LRRC69: variants seen among roughly 807,000 people sequenced by gnomAD.
The protein encoded by LRRC69 is leucine rich repeat containing 69, also known as leucine-rich repeat-containing protein 69.
Under a neutral mutation model 37.8 loss-of-function variants are expected in LRRC69, and 42 were observed. The ratio of observed to expected loss-of-function variants is 1.11; its 90% CI spans 0.87 to 1.44. The LOEUF (loss-of-function observed/expected upper bound fraction) is 1.44, where lower values mean the gene tolerates loss of function less well. Ranked by LOEUF, LRRC69 falls within the 40% of genes most tolerant of loss-of-function variation. LRRC69 has a pLI of 0.00. For synonymous variants in LRRC69, 141 were observed against 143.1 expected (o/e 0.99, Z 0.11); for missense variants, 357 against 401.9 (o/e 0.89, Z 0.96).
chr8:91,169,269 G>A lies in LRRC69; in HGVS notation c.652-20253G>A, dbSNP rs563743995. Reference sequence around the variant, plus strand: ...GCCTATTTGAGGGTAGAAAGTGGGAGGAGGGAGAGGATTAAAAAACTCTCT... The same window carrying A: ...GCCTATTTGAGGGTAGAAAGTGGGAAGAGGGAGAGGATTAAAAAACTCTCT... On this transcript the variant is annotated intron_variant, in intron 5 of 7. Coordinates refer to ENST00000448384, the Ensembl canonical transcript of LRRC69. Among the ~76,000 whole-genome samples the A allele has an allele frequency of 9.2e-5, 14 of 151,934 alleles. No individual in the cohort carries two copies. The South Asian group carries it at 2.7e-3, about 29-fold the overall frequency.
chr8:91,209,562 T>A (rs752084821), intron 7 of LRRC69: 2 of 152,284 alleles, frequency 1.3e-5, no homozygotes, highest in Non-Finnish European at 2.9e-5. Context: ...CTATAGAATA[T>A]TCTTTGGACG....
chr8:91,114,809 A>C (rs1479957144), intron 1 of LRRC69, among the ~76,000 whole-genome samples: 1 of 152,040 alleles, frequency 6.6e-6, no homozygotes, highest in Admixed American at 6.6e-5. Flanking sequence ...CATTTCTTAG[A>C]ATGTGTCCCC....
chr8:91,156,245 C>G (rs990034541), intron 5 of LRRC69, among the ~76,000 whole-genome samples: 1 of 150,908 alleles, frequency 6.6e-6, no homozygotes, highest in Admixed American at 6.6e-5. Context: ...CAAATTCAAA[C>G]TTTTGGACAA....
At chr8:91,114,571 C>T (rs571682748) in intron 1 of LRRC69, among the ~76,000 whole-genome samples, 37 of 152,008 alleles carry the variant, frequency 2.4e-4, no homozygotes, top group African/African-American at 8.4e-4. Flanking sequence ...CTTACTGTAC[C>T]TTTTCTATGT....
chr8:91,186,056 G>C (rs771449070), intron 5 of LRRC69, among the ~76,000 whole-genome samples: 3 of 152,228 alleles, frequency 2.0e-5, no homozygotes, highest in Non-Finnish European at 4.4e-5. Flanking sequence ...GGGCTTTGTG[G>C]GAACAATTAT....
At chr8:91,203,690 C>T (rs527763117) in intron 7 of LRRC69, among the ~76,000 whole-genome samples, 18 of 151,944 alleles carry the variant, frequency 1.2e-4, no homozygotes, top group East Asian at 5.9e-4. Flanking sequence ...TAAGCCACTG[C>T]GCCCAGCCTC....
intron 2 of LRRC69, among the ~76,000 whole-genome samples, chr8:91,125,858 ATATT>A (rs1309598888): frequency 4.6e-5 from 7 of 151,770 alleles, no homozygotes; most frequent in Admixed American, 4.0e-4. Context: ...TTTAGTTTCT[ATATT>A]TCTTTTTAAA....
chr8:91,132,139 C>G (rs1203446963), intron 3 of LRRC69, among the ~76,000 whole-genome samples: 1 of 151,910 alleles, frequency 6.6e-6, no homozygotes, highest in Admixed American at 6.6e-5. Context: ...TCTTACATTA[C>G]TTCAATCTTA....
intron 7 of LRRC69, among the ~76,000 whole-genome samples, chr8:91,210,433 G>A (rs1809888030): frequency 6.6e-6 from 1 of 152,010 alleles, no homozygotes; most frequent in South Asian, 2.1e-4. Context: ...TTGAAACACT[G>A]TCATGTGAAA....
chr8:91,158,599 T>C lies in LRRC69; in HGVS notation c.651+22860T>C, dbSNP rs1318653641. On this transcript the variant is annotated intron_variant, in intron 5 of 7. Transcript: ENST00000448384. Reference sequence around the variant, plus strand: ...CACAGGGGTGTTTATAGTTCTGATGTCTTTGACATTTTCCCTGGAACATAC... The same window carrying C: ...CACAGGGGTGTTTATAGTTCTGATGCCTTTGACATTTTCCCTGGAACATAC... 6 of 1,409,014 alleles carry C rather than the reference T, an allele frequency of 4.3e-6. No homozygotes were observed. In the South Asian group the frequency reaches 5.8e-5, roughly 14 times the overall value. 87.3% of individuals were successfully genotyped at this position (1,409,014 alleles called of 1,614,324 possible).
chr8:91,175,540 G>C (rs1358878956), intron 5 of LRRC69, among the ~76,000 whole-genome samples: 2 of 152,056 alleles, frequency 1.3e-5, no homozygotes, highest in East Asian at 3.9e-4. Context: ...TTGCGGCTAG[G>C]TGATTGAATC....
At chr8:91,197,768 G>C (rs953303742) in intron 6 of LRRC69, among the ~76,000 whole-genome samples, 1 of 151,834 alleles carries the variant, frequency 6.6e-6, no homozygotes, top group Non-Finnish European at 1.5e-5. Context: ...AGATGAACCC[G>C]GTACCTCAGA....
chr8:91,133,403 C>T (rs2130515744), intron 4 of LRRC69, 98 bp downstream of exon 4: 3 of 812,360 alleles, frequency 3.7e-6, no homozygotes, highest in Non-Finnish European at 5.4e-6. Context: ...GAGTATAAGC[C>T]ACCACTTGCT....
chr8:91,151,336 A>T (rs973096803), intron 5 of LRRC69, among the ~76,000 whole-genome samples: 1 of 151,160 alleles, frequency 6.6e-6, no homozygotes, highest in African/African-American at 2.4e-5. Flanking sequence ...CCTTCGTTTC[A>T]TTATGTACCC....
chr8:91,200,086 G>A (rs968433558), intron 6 of LRRC69, among the ~76,000 whole-genome samples: 14 of 152,106 alleles, frequency 9.2e-5, no homozygotes, highest in Admixed American at 2.6e-4. Flanking sequence ...TTCAATATGC[G>A]TATAGATTAC....
intron 6 of LRRC69, among the ~76,000 whole-genome samples, chr8:91,190,505 C>A (rs1036006707): frequency 6.6e-6 from 1 of 151,950 alleles, no homozygotes; most frequent in Non-Finnish European, 1.5e-5. Context: ...TCTTTTAGAA[C>A]TTTTTATGCA....
Position 91,195,779 on chromosome 8 carries a change from G to A in LRRC69, c.754-4834G>A, listed in dbSNP as rs527585975. ...GGTTTCCTGAATACAGCACACTGAT[G>A]GGTCTTGACTCTTTATCCAATTTGC... On this transcript the variant is annotated intron_variant, in intron 6 of 7. Coordinates refer to ENST00000448384, the Ensembl canonical transcript of LRRC69. Among the ~76,000 whole-genome samples the A allele has an allele frequency of 1.3e-4, 20 of 151,864 alleles. No individual in the cohort carries two copies. The South Asian group carries it at 4.2e-3, about 32-fold the overall frequency.
intron 5 of LRRC69, among the ~76,000 whole-genome samples, chr8:91,168,178 GT>G (rs1809062016): frequency 6.6e-6 from 1 of 151,856 alleles, no homozygotes; most frequent in Non-Finnish European, 1.5e-5. Context: ...AATTTTGTCT[GT>G]TTTGGGCACT....
intron 6 of LRRC69, among the ~76,000 whole-genome samples, chr8:91,200,402 G>A (rs1809691811): frequency 6.6e-6 from 1 of 152,166 alleles, no homozygotes; most frequent in African/African-American, 2.4e-5. Flanking sequence ...ATACGACAAT[G>A]TAAGAAACTT....
Sources: allele counts gnomAD v4.1 joint callset (sites outside exome capture counted in the v4.1 genomes callset), GRCh38; gene constraint gnomAD v4.1.1; transcripts MANE v1.5; gene names NCBI Gene and HGNC (gene_info 2026-07-23, HGNC 2026-07-21).